Variants in LEPR observed in about 807,000 individuals in gnomAD.
LEPR encodes OB receptor.
In LEPR, 56 loss-of-function variants were observed where a neutral mutation model predicts 114.7. The ratio of observed to expected loss-of-function variants is 0.49; its 90% CI spans 0.39 to 0.61. The LOEUF is 0.61. LEPR is among the 20% of genes least tolerant of loss of function. The probability of loss-of-function intolerance (pLI) is 0.00; values close to 1 mark genes in which losing one functional copy is unlikely to be tolerated. For synonymous variants in LEPR, 443 were observed against 461.4 expected, an observed-to-expected ratio of 0.96 and a Z score of 0.51; for missense variants, 1,202 against 1,352.9, an observed-to-expected ratio of 0.89 and a Z score of 1.75.
intron 2 of LEPR, among the ~76,000 whole-genome samples, chr1:65,450,908 T>C (rs1646776313): frequency 6.6e-6 from 1 of 151,668 alleles, no homozygotes; most frequent in South Asian, 2.1e-4. Flanking sequence ...GTAAAAGCAT[T>C]CCTATTTCTC....
At chr1:65,547,054 A>G (rs1651800555) in intron 2 of LEPR, among the ~76,000 whole-genome samples, 1 of 152,002 alleles carries the variant, frequency 6.6e-6, no homozygotes, top group South Asian at 2.1e-4. Context: ...TTCTGCATCT[A>G]TTGAGATAAT....
chr1:65,518,169 A>G (rs1649385380), intron 2 of LEPR, among the ~76,000 whole-genome samples: 1 of 152,154 alleles, frequency 6.6e-6, no homozygotes, highest in African/African-American at 2.4e-5. Flanking sequence ...TGTCTGTGGA[A>G]TTTTGGAGGT....
At chr1:65,587,742 T>C (rs1490317031) in intron 5 of LEPR, among the ~76,000 whole-genome samples, 1 of 152,110 alleles carries the variant, frequency 6.6e-6, no homozygotes, top group Non-Finnish European at 1.5e-5. Flanking sequence ...GGGTTGATTT[T>C]TTTTAGTAGT....
intron 2 of LEPR, among the ~76,000 whole-genome samples, chr1:65,530,940 T>C (rs1345990298): frequency 1.5e-5 from 2 of 132,996 alleles, no homozygotes. Flanking sequence ...CTGGTCTCCC[T>C]GCTTTTATTT....
intron 14 of LEPR, among the ~76,000 whole-genome samples, chr1:65,613,580 C>A: frequency 7.6e-6 from 1 of 130,742 alleles, no homozygotes; most frequent in Non-Finnish European, 1.6e-5. Context: ...GGTGAAACCC[C>A]GTCTCTACTA....
chr1:65,633,231 A>G lies in LEPR; in HGVS notation c.2674-2960A>G. On this transcript the variant is annotated intron_variant, in intron 19 of 19. Transcript: ENST00000349533. The surrounding 1 kb of genome is among the most constrained non-coding windows in gnomAD (Gnocchi z 4.1). ...CCAACTTCCCAACAGTCTATAGAGT[A>G]TTAGAAGATTTTTACATTTTGAAGA... 4 of 1,587,614 alleles carry G rather than the reference A, an allele frequency of 2.5e-6. No individual in the cohort carries two copies. The highest frequency in any genetic ancestry group is 1.8e-5 in the Admixed American group (1 of 56,466).
At chr1:65,445,411 T>C (rs1190656182) in intron 2 of LEPR, among the ~76,000 whole-genome samples, 1 of 152,234 alleles carries the variant, frequency 6.6e-6, no homozygotes, top group Non-Finnish European at 1.5e-5. Flanking sequence ...GCAAAGTTGC[T>C]GGTAAGTATC....
chr1:65,550,359 A>G (rs992984302), intron 2 of LEPR, among the ~76,000 whole-genome samples: 1 of 152,156 alleles, frequency 6.6e-6, no homozygotes, highest in Non-Finnish European at 1.5e-5. Context: ...TCAGACAGGA[A>G]CATTTAAGTC....
intron 2 of LEPR, among the ~76,000 whole-genome samples, chr1:65,491,030 AT>A: frequency 6.6e-6 from 1 of 152,268 alleles, no homozygotes; most frequent in Admixed American, 6.5e-5. Flanking sequence ...CTATTTGGAA[AT>A]CAGAGGATTG....
In LEPR at chr1:65,610,269, G is replaced by T. The variant is rs1805094; in HGVS notation, c.1968G>T (p.Lys656Asn). 7.4e-6 allele frequency: 12 copies of T among 1,612,898 alleles called. No homozygotes were observed. Among genetic ancestry groups the T allele is most frequent in the South Asian group, 1.1e-5 (1 of 90,862 alleles). The change falls in exon 14 of 20, where the codon AAG becomes AAT. Residue 656 changes from lysine (K) to asparagine (N), a missense_variant. Coordinates refer to ENST00000349533, the MANE Select transcript of LEPR (RefSeq NM_002303.6). ...TAATTAATGGAGATACTATGAAAAAGGAGAAAAATGTCACTTTACTTTGGA... is the reference window on the plus strand; with the variant it reads ...TAATTAATGGAGATACTATGAAAAATGAGAAAAATGTCACTTTACTTTGGA... Reference protein sequence around the residue: ...WRIINGDTMKKEKNVTLLWKP... With the variant: ...WRIINGDTMKNEKNVTLLWKP...
chr1:65,553,717 T>C (rs1652600289), intron 2 of LEPR, among the ~76,000 whole-genome samples: 2 of 152,144 alleles, frequency 1.3e-5, no homozygotes, highest in South Asian at 4.1e-4. Context: ...CCTACTTCTG[T>C]CAATTCATCA....
intron 2 of LEPR, among the ~76,000 whole-genome samples, chr1:65,549,243 T>C (rs1286839691): frequency 6.6e-6 from 1 of 151,452 alleles, no homozygotes; most frequent in Admixed American, 6.6e-5. Context: ...CCCTTAACAT[T>C]TTTTCCTTCA....
chr1:65,465,018 A>G (rs1419853202), intron 2 of LEPR, among the ~76,000 whole-genome samples: 3 of 151,866 alleles, frequency 2.0e-5, no homozygotes, highest in African/African-American at 7.3e-5. Context: ...TTGTGTCTCT[A>G]TCTCCTTCAG....
intron 2 of LEPR, among the ~76,000 whole-genome samples, chr1:65,548,631 C>T (rs1033807171): frequency 2.0e-5 from 3 of 151,932 alleles, no homozygotes; most frequent in African/African-American, 7.3e-5. Flanking sequence ...GGATTGCAAC[C>T]CCGGTCTTTT....
chr1:65,537,230 CT>C (rs1650840431), intron 2 of LEPR, among the ~76,000 whole-genome samples: 1 of 152,116 alleles, frequency 6.6e-6, no homozygotes, highest in Non-Finnish European at 1.5e-5. Flanking sequence ...GCTATTTTCT[CT>C]GAAATCCCAT....
At chr1:65,472,952 C>T (rs1570517895) in intron 2 of LEPR, among the ~76,000 whole-genome samples, 1 of 152,286 alleles carries the variant, frequency 6.6e-6, no homozygotes, top group Non-Finnish European at 1.5e-5. Flanking sequence ...GTGCAGTATT[C>T]CTCTAAGATA....
At chr1:65,551,311 T>C (rs1652332503) in intron 2 of LEPR, among the ~76,000 whole-genome samples, 1 of 152,134 alleles carries the variant, frequency 6.6e-6, no homozygotes, top group Non-Finnish European at 1.5e-5. Context: ...TCTTTGTACC[T>C]CTGGTAGAAT....
At chr1:65,488,224 CTCTCTTTCTT>C (rs1403851113) in intron 2 of LEPR, among the ~76,000 whole-genome samples, 38 of 39,944 alleles carry the variant, frequency 9.5e-4, no homozygotes, top group South Asian at 2.7e-3. Context: ...CTCTCTCTCT[CTCTCTTTCTT>C]TCTTTCTTTC....
intron 5 of LEPR, 128 bp from the exon 6 acceptor site, chr1:65,592,521 GTTTTTTTT>G: frequency 1.4e-6 from 1 of 707,100 alleles, no homozygotes; most frequent in Non-Finnish European, 2.2e-6. Context: ...CTAATGTAGG[GTTTTTTTT>G]TTTCAGATAC....
Sources: gnomAD v4.1 joint callset for allele counts (sites outside exome capture counted in the v4.1 genomes callset) on GRCh38, gnomAD v4.1.1 for gene constraint, Gnocchi (gnomAD v3.1) non-coding constraint, MANE v1.5 for transcripts, NCBI Gene and HGNC (gene_info 2026-07-23, HGNC 2026-07-21) for gene names.